Variants in ITFG1 observed in about 807,000 individuals in gnomAD.
The protein encoded by ITFG1 is integrin alpha FG-GAP repeat containing 1.
In ITFG1, 34 loss-of-function variants were observed where a neutral mutation model predicts 81.8. That is an observed-to-expected ratio of 0.42 (90% CI 0.32 to 0.55). ITFG1 has a LOEUF of 0.55. Among genes scored for constraint, ITFG1 ranks in the 20% least tolerant of loss-of-function variants. The pLI is 0.17. For synonymous variants in ITFG1, 285 were observed against 270.6 expected, an observed-to-expected ratio of 1.05 and a Z score of -0.52; for missense variants, 672 against 755.4, an observed-to-expected ratio of 0.89 and a Z score of 1.29.
At chr16:47,443,118 A>G (rs975193214) in intron 5 of ITFG1, among the ~76,000 whole-genome samples, 2 of 152,254 alleles carry the variant, frequency 1.3e-5, no homozygotes, top group Non-Finnish European at 2.9e-5. Context: ...AAAAGAAGAC[A>G]TTTATGCAGC....
chr16:47,303,986 C>T (rs1000732528), intron 10 of ITFG1, among the ~76,000 whole-genome samples: 2 of 152,014 alleles, frequency 1.3e-5, no homozygotes, highest in Admixed American at 1.3e-4. Flanking sequence ...TTAAATTAGT[C>T]TGATCGGACT....
chr16:47,289,025 C>A (rs1461751148), intron 10 of ITFG1, among the ~76,000 whole-genome samples: 1 of 152,080 alleles, frequency 6.6e-6, no homozygotes, highest in African/African-American at 2.4e-5. Context: ...GAGGTATATT[C>A]CTTCTGTACC....
chr16:47,195,021 A>G (rs890293777), intron 14 of ITFG1, among the ~76,000 whole-genome samples: 1 of 152,142 alleles, frequency 6.6e-6, no homozygotes, highest in African/African-American at 2.4e-5. Context: ...ATGCTCTTGA[A>G]CTTTTCAATT....
At chr16:47,283,510 T>C (rs956892644) in intron 10 of ITFG1, among the ~76,000 whole-genome samples, 1 of 152,192 alleles carries the variant, frequency 6.6e-6, no homozygotes, top group Non-Finnish European at 1.5e-5. Context: ...TTCTATTGGT[T>C]TTGTTTCTCT....
chr16:47,181,192 C>T (rs1398470807), intron 14 of ITFG1, among the ~76,000 whole-genome samples: 1 of 150,952 alleles, frequency 6.6e-6, no homozygotes, highest in Non-Finnish European at 1.5e-5. Context: ...CCGGCCGCCC[C>T]ATCTGAGAAG....
At chr16:47,434,564 G>A (rs1969141405) in intron 5 of ITFG1, among the ~76,000 whole-genome samples, 3 of 152,270 alleles carry the variant, frequency 2.0e-5, no homozygotes, top group Non-Finnish European at 1.5e-5. Flanking sequence ...TTCTGGCAAG[G>A]TTGTGGAGAA....
chr16:47,361,209 C>T (rs948200031), intron 8 of ITFG1, among the ~76,000 whole-genome samples: 2 of 152,096 alleles, frequency 1.3e-5, no homozygotes, highest in Non-Finnish European at 2.9e-5. Context: ...ATGTGATACA[C>T]AGCAGTTAGC....
At chr16:47,288,468 G>A (rs1004635870) in intron 10 of ITFG1, among the ~76,000 whole-genome samples, 3 of 152,158 alleles carry the variant, frequency 2.0e-5, no homozygotes, top group African/African-American at 4.8e-5. Flanking sequence ...CTGCTGGAAC[G>A]TATGGCAGGT....
chr16:47,345,302 TG>T (rs201749079), intron 8 of ITFG1, among the ~76,000 whole-genome samples: 3,206 of 148,626 alleles, frequency 0.022, 105 homozygotes, highest in African/African-American at 0.072. Context: ...TTTTTTTTTT[TG>T]TTTGTTTGTT....
At chr16:47,304,512 T>C (rs967850442) in intron 10 of ITFG1, among the ~76,000 whole-genome samples, 2 of 152,238 alleles carry the variant, frequency 1.3e-5, no homozygotes, top group African/African-American at 2.4e-5. Context: ...ATGTGAGAGA[T>C]GACGTAGTGC....
At chr16:47,322,489 G>A (rs1238454386) in intron 8 of ITFG1, among the ~76,000 whole-genome samples, 1 of 152,138 alleles carries the variant, frequency 6.6e-6, no homozygotes, top group Non-Finnish European at 1.5e-5. Flanking sequence ...AGGAGTTCGA[G>A]ACCAGCCTGG....
intron 5 of ITFG1, among the ~76,000 whole-genome samples, chr16:47,435,460 C>T (rs957208828): frequency 1.3e-5 from 2 of 152,186 alleles, no homozygotes; most frequent in Non-Finnish European, 2.9e-5. Context: ...TTTTCCCGCA[C>T]AAGAAACAAA....
At chr16:47,438,904 T>G (rs560036702) in intron 5 of ITFG1, among the ~76,000 whole-genome samples, 2 of 152,090 alleles carry the variant, frequency 1.3e-5, no homozygotes, top group East Asian at 3.9e-4. Context: ...ATGAGGAAGT[T>G]TGAACCAATG....
intron 10 of ITFG1, among the ~76,000 whole-genome samples, chr16:47,285,346 C>T (rs896719246): frequency 3.3e-5 from 5 of 152,178 alleles, no homozygotes; most frequent in African/African-American, 9.7e-5. Flanking sequence ...AAGCTCTGAG[C>T]CCCTGCCCCG....
chr16:47,259,192 C>T (rs1966176451), intron 11 of ITFG1, among the ~76,000 whole-genome samples: 1 of 152,102 alleles, frequency 6.6e-6, no homozygotes, highest in African/African-American at 2.4e-5. Flanking sequence ...TCCTTTGATT[C>T]TTTTCATGAA....
intron 14 of ITFG1, among the ~76,000 whole-genome samples, chr16:47,216,318 G>A (rs754024381): frequency 5.3e-5 from 8 of 151,762 alleles, no homozygotes; most frequent in Admixed American, 4.6e-4. Context: ...CCAGCCTCCC[G>A]AAGTAGCTGG....
chr16:47,418,041 TGAGA>T (rs1169357572), intron 6 of ITFG1, among the ~76,000 whole-genome samples: 1 of 152,124 alleles, frequency 6.6e-6, no homozygotes, highest in Non-Finnish European at 1.5e-5. Context: ...AGGATTTGTT[TGAGA>T]TTTTTTTTTT....
intron 5 of ITFG1, among the ~76,000 whole-genome samples, chr16:47,433,785 A>ATT (rs1567498722): frequency 6.9e-6 from 1 of 143,890 alleles, no homozygotes; most frequent in East Asian, 2.0e-4. Flanking sequence ...ATATATATAT[A>ATT]TATATATACA....
chr16:47,205,848 CT>C (rs1371888363), intron 14 of ITFG1, among the ~76,000 whole-genome samples: 1 of 125,910 alleles, frequency 7.9e-6, no homozygotes, highest in East Asian at 2.0e-4. Flanking sequence ...ATCTATCTAT[CT>C]ATCTATCTAT....
Sources: gnomAD v4.1 joint callset for allele counts (sites outside exome capture counted in the v4.1 genomes callset) on GRCh38, gnomAD v4.1.1 for gene constraint, MANE v1.5 for transcripts, NCBI Gene and HGNC (gene_info 2026-07-23, HGNC 2026-07-21) for gene names.